The following TNRC6B variants were observed in gnomAD, a reference collection of about 807,000 sequenced individuals.
TNRC6B encodes the protein trinucleotide repeat-containing gene 6B protein.
A neutral mutation model predicts 203.6 loss-of-function variants in TNRC6B; 52 were observed. The ratio of observed to expected loss-of-function variants is 0.26; its 90% CI spans 0.20 to 0.32. The LOEUF is 0.32. TNRC6B is among the 10% of genes least tolerant of loss of function. The probability of loss-of-function intolerance (pLI) is 1.00; values close to 1 mark genes in which losing one functional copy is unlikely to be tolerated. For missense variants in TNRC6B, 1,923 were observed against 2,286.2 expected (o/e 0.84, Z 3.24); for synonymous variants, 838 against 845.7 (o/e 0.99, Z 0.16).
intron 22 of TNRC6B, among the ~76,000 whole-genome samples, 160 bp from the exon 23 acceptor site, chr22:40,322,694 C>A (rs905411370): frequency 6.6e-6 from 1 of 152,212 alleles, no homozygotes; most frequent in African/African-American, 2.4e-5. Flanking sequence ...ACCCAGAGGT[C>A]TTGGGTGGAG....
chr22:40,136,664 C>T (rs1223630168), intron 3 of TNRC6B, among the ~76,000 whole-genome samples: 1 of 151,888 alleles, frequency 6.6e-6, no homozygotes, highest in Non-Finnish European at 1.5e-5. Flanking sequence ...CCACCTTAGC[C>T]TCCGAAAGTG....
chr22:40,167,382 G>T (rs573144975), intron 4 of TNRC6B, among the ~76,000 whole-genome samples: 3 of 152,098 alleles, frequency 2.0e-5, no homozygotes, highest in African/African-American at 4.8e-5. Flanking sequence ...AGAGCAGTCA[G>T]TTTAGAGACA....
At chr22:40,195,756 A>ATTTTGTTTTGTTTTG (rs561178664) in intron 1 of TNRC6B, among the ~76,000 whole-genome samples, 1 of 149,484 alleles carries the variant, frequency 6.7e-6, no homozygotes, top group East Asian at 2.0e-4. Flanking sequence ...CCTCAGCTTT[A>ATTTTGTTTTGTTTTG]TTTTGTTTTG....
intron 1 of TNRC6B, among the ~76,000 whole-genome samples, chr22:40,233,223 T>A (rs547352994): frequency 6.6e-6 from 1 of 152,130 alleles, no homozygotes; most frequent in East Asian, 1.9e-4. Context: ...CTTGGGAGGC[T>A]GAGGTAGGAG....
At chr22:40,206,367 T>C (rs1041858725) in intron 1 of TNRC6B, among the ~76,000 whole-genome samples, 1 of 152,144 alleles carries the variant, frequency 6.6e-6, no homozygotes, top group Admixed American at 6.5e-5. Flanking sequence ...GAGAAAATAC[T>C]AGAAATGTGG....
chr22:40,183,463 C>T (rs1257452249), intron 1 of TNRC6B, among the ~76,000 whole-genome samples: 1 of 152,166 alleles, frequency 6.6e-6, no homozygotes, highest in Admixed American at 6.5e-5. Context: ...GTCGTCTCTT[C>T]ATAACTCTCC....
chr22:40,115,371 T>A (rs1265048378), intron 1 of TNRC6B, among the ~76,000 whole-genome samples: 1 of 152,228 alleles, frequency 6.6e-6, no homozygotes, highest in African/African-American at 2.4e-5. Context: ...CCAGTCGTCC[T>A]CTGAAGTGCT....
intron 1 of TNRC6B, among the ~76,000 whole-genome samples, chr22:40,067,545 G>C (rs938396918): frequency 2.6e-5 from 4 of 152,132 alleles, no homozygotes; most frequent in Non-Finnish European, 5.9e-5. Flanking sequence ...AAGCTCAGGC[G>C]TGTCTCAGCC....
At chr22:40,267,542 C>T (rs1340302396) in intron 5 of TNRC6B, among the ~76,000 whole-genome samples, 2 of 152,060 alleles carry the variant, frequency 1.3e-5, no homozygotes, top group African/African-American at 4.8e-5. Flanking sequence ...TAATGATTAC[C>T]TCTGGAATGG....
chr22:40,048,084 C>G (rs1194098212), intron 1 of TNRC6B, among the ~76,000 whole-genome samples: 1 of 152,216 alleles, frequency 6.6e-6, no homozygotes, highest in Non-Finnish European at 1.5e-5. Context: ...CTGGATCTCT[C>G]CGTTCTACTA....
rs1476150680 is a variant in TNRC6B at position 40,301,331 on chromosome 22, C to T, written c.4118C>T (p.Ser1373Phe). The T allele has an allele frequency of 1.2e-6, 2 of 1,605,752 alleles. No individual in the cohort carries two copies. The highest frequency in any genetic ancestry group is 1.7e-6 in the Non-Finnish European group (2 of 1,175,702). Residue 1373 changes from serine to phenylalanine, a missense_variant and splice_region_variant, in exon 15 of 23, where the codon TCT becomes TTT. Physicochemically the swap from Ser to Phe is radical, Grantham distance 155. Coordinates refer to ENST00000454349, the MANE Select transcript of TNRC6B (RefSeq NM_001162501.2). ...QTKGPIPGYG[S>F]GFSSGGMDYG... ...AAAGGGCCAATACCTGGATATGGTTCTGGTAAGTTGTTGGTAGAGAAAATT... is the reference window on the plus strand; with the variant it reads ...AAAGGGCCAATACCTGGATATGGTTTTGGTAAGTTGTTGGTAGAGAAAATT...
Position 40,270,190 on chromosome 22 carries a change from AGTCCTG to A in TNRC6B, c.2877_2882del (p.Ser959_Gly961delinsArg), listed in dbSNP as rs1347832100. 4 of 1,572,552 alleles carry A rather than the reference AGTCCTG, an allele frequency of 2.5e-6. No individual in the cohort carries two copies. The highest frequency in any genetic ancestry group is 3.7e-5 in the Admixed American group (2 of 53,568). Reference sequence around the variant, plus strand: ...CGCTTGGGGTGAGCCAAATGAAAGCAGTCCTGGGTGGGGCGAGATGGATGATACAGG... The same window carrying A: ...CGCTTGGGGTGAGCCAAATGAAAGCAGGTGGGGCGAGATGGATGATACAGG... On this transcript the variant is annotated inframe_deletion, in exon 6 of 23. Coordinates refer to ENST00000454349, the MANE Select transcript of TNRC6B (RefSeq NM_001162501.2).
intron 1 of TNRC6B, chr22:40,045,586 A>G (rs1440551320): frequency 2.0e-5 from 3 of 152,152 alleles, no homozygotes; most frequent in Non-Finnish European, 4.4e-5. Flanking sequence ...CCTGCGTGAC[A>G]AGGTGAATGC....
intron 1 of TNRC6B, among the ~76,000 whole-genome samples, chr22:40,230,053 T>G (rs2069845680): frequency 6.6e-6 from 1 of 152,220 alleles, no homozygotes; most frequent in African/African-American, 2.4e-5. Context: ...TCCAAAGTGA[T>G]TGTACCATTT....
chr22:40,198,775 A>G (rs2069372230), intron 1 of TNRC6B, among the ~76,000 whole-genome samples: 1 of 152,140 alleles, frequency 6.6e-6, no homozygotes, highest in African/African-American at 2.4e-5. Flanking sequence ...TCTTTGCAAA[A>G]GGCATGCATG....
chr22:40,284,797 A>G (rs1288966417), intron 11 of TNRC6B, among the ~76,000 whole-genome samples: 3 of 152,216 alleles, frequency 2.0e-5, no homozygotes, highest in Admixed American at 2.0e-4. Flanking sequence ...TGAAGATGGT[A>G]TCAGAAAGAA....
At chr22:40,159,683 T>C (rs1397202710) in intron 4 of TNRC6B, among the ~76,000 whole-genome samples, 1 of 124,378 alleles carries the variant, frequency 8.0e-6, no homozygotes, top group Non-Finnish European at 1.7e-5. Flanking sequence ...AAAAGAAAGG[T>C]GAAACCCTTC....
intron 1 of TNRC6B, among the ~76,000 whole-genome samples, chr22:40,073,774 A>G (rs77363679): frequency 0.056 from 8,523 of 151,962 alleles, 749 homozygotes; most frequent in African/African-American, 0.19. Context: ...ATTAGCAGCC[A>G]GGGCTGGGTG....
At chr22:40,269,228 G>T (rs1459569714) in intron 5 of TNRC6B, among the ~76,000 whole-genome samples, 1 of 145,524 alleles carries the variant, frequency 6.9e-6, no homozygotes, top group Non-Finnish European at 1.5e-5. Flanking sequence ...CCACCTCCCG[G>T]GTTCAAGTGA....
Sources: allele counts gnomAD v4.1 joint callset (sites outside exome capture counted in the v4.1 genomes callset), GRCh38; gene constraint gnomAD v4.1.1; transcripts MANE v1.5; gene names NCBI Gene and HGNC (gene_info 2026-07-23, HGNC 2026-07-21).